The following SPAG16 variants were observed in gnomAD, a reference collection of about 807,000 sequenced individuals.
SPAG16 encodes the protein sperm associated antigen 16.
SPAG16 carries 86 observed loss-of-function variants against 80.4 expected under a neutral mutation model. That is an observed-to-expected ratio of 1.07 (90% CI 0.90 to 1.28). The LOEUF (loss-of-function observed/expected upper bound fraction) is 1.28. Ranked by LOEUF, SPAG16 falls within the 50% of genes most tolerant of loss-of-function variation. The pLI, the probability that SPAG16 is intolerant of heterozygous loss-of-function variation, is 0.00. For synonymous variants in SPAG16, 294 were observed against 265.9 expected, an observed-to-expected ratio of 1.11 and a Z score of -1.03; for missense variants, 870 against 765.3, an observed-to-expected ratio of 1.14 and a Z score of -1.61.
chr2:213,413,284 ATAAG>A (rs2069083925), intron 9 of SPAG16, among the ~76,000 whole-genome samples: 1 of 152,194 alleles, frequency 6.6e-6, no homozygotes, highest in South Asian at 2.1e-4. Flanking sequence ...AATAGTATCC[ATAAG>A]ATTAAGTATT....
intron 12 of SPAG16, among the ~76,000 whole-genome samples, chr2:213,968,789 C>A (rs1024433689): frequency 2.6e-5 from 4 of 152,152 alleles, no homozygotes; most frequent in Non-Finnish European, 5.9e-5. Flanking sequence ...ATATATATCA[C>A]CTTGATAAAA....
At chr2:213,748,649 C>T (rs16850849) in intron 10 of SPAG16, among the ~76,000 whole-genome samples, 3,678 of 152,118 alleles carry the variant, frequency 0.024, 149 homozygotes, top group African/African-American at 0.083. Flanking sequence ...AGCGTAAGGA[C>T]TATTATACAT....
At chr2:213,421,241 G>A (rs2069566322) in intron 9 of SPAG16, among the ~76,000 whole-genome samples, 1 of 151,952 alleles carries the variant, frequency 6.6e-6, no homozygotes, top group Non-Finnish European at 1.5e-5. Context: ...CCCACTTTGG[G>A]GCAGAGCAAA....
rs563642184 is a variant in SPAG16 at position 214,099,463 on chromosome 2, C to T, written c.1528-8733C>T. ...TGTTTATACGAATAAGAGATAGTAT[C>T]AATAATTTTCCAATAAGCTGAGTTT... On this transcript the variant is annotated intron_variant, in intron 13 of 15. Transcript: ENST00000331683. Among the ~76,000 whole-genome samples the T allele has an allele frequency of 2.6e-5, 4 of 152,076 alleles. No individual in the cohort carries two copies. The South Asian group carries it at 8.3e-4, about 32-fold the overall frequency.
rs570925506 is a variant in SPAG16, at chr2:214,395,705, G to A, written c.1721-14435G>A. Among the ~76,000 whole-genome samples the A allele has an allele frequency of 4.0e-5, 6 of 151,874 alleles. No individual in the cohort carries two copies. In the South Asian group the frequency reaches 1.2e-3, roughly 32 times the overall value. On this transcript the variant is annotated intron_variant, in intron 15 of 15. Coordinates refer to ENST00000331683, the MANE Select transcript of SPAG16 (RefSeq NM_024532.5). Reference sequence around the variant, plus strand: ...CACCCTCCACCCTCAAGTAGGCCCTGGTGTCTATTTTTTTTTCCTTTTTGT... The same window carrying A: ...CACCCTCCACCCTCAAGTAGGCCCTAGTGTCTATTTTTTTTTCCTTTTTGT...
rs550142994 is a variant in SPAG16 at position 213,937,649 on chromosome 2, A to G, written c.1400+7504A>G. On this transcript the variant is annotated intron_variant, in intron 12 of 15. Transcript: ENST00000331683. ...AACAGAATATAGCATGTATTTTTTT[A>G]TTTTCCTTTCCCCCCCAAAAGTGCA... Among the ~76,000 whole-genome samples the G allele has an allele frequency of 1.3e-4, 19 of 151,330 alleles. No homozygotes were observed. In the East Asian group the frequency reaches 3.3e-3, roughly 26 times the overall value.
At chr2:213,413,232 AT>A (rs540697562) in intron 9 of SPAG16, among the ~76,000 whole-genome samples, 189 of 152,304 alleles carry the variant, frequency 1.2e-3, no homozygotes, top group Non-Finnish European at 1.8e-3. Context: ...ATAGAAGTTC[AT>A]GTGTGTCATA....
intron 15 of SPAG16, among the ~76,000 whole-genome samples, chr2:214,356,725 A>G (rs1281511739): frequency 1.3e-5 from 2 of 151,960 alleles, no homozygotes; most frequent in African/African-American, 2.4e-5. Flanking sequence ...AATTTATCTC[A>G]CGCCACAGTT....
At chr2:213,638,725 T>C (rs963336509) in intron 10 of SPAG16, among the ~76,000 whole-genome samples, 9 of 152,318 alleles carry the variant, frequency 5.9e-5, no homozygotes, top group East Asian at 3.9e-4. Flanking sequence ...CTACAGTTGC[T>C]AGGTAGAATG....
chr2:213,973,285 C>T (rs1408578475), intron 12 of SPAG16, among the ~76,000 whole-genome samples: 1 of 152,002 alleles, frequency 6.6e-6, no homozygotes, highest in African/African-American at 2.4e-5. Flanking sequence ...TTTAGGCAGT[C>T]AGTTGTGTGT....
chr2:213,611,936 T>A (rs2061450638), intron 10 of SPAG16, among the ~76,000 whole-genome samples: 1 of 152,178 alleles, frequency 6.6e-6, no homozygotes, highest in African/African-American at 2.4e-5. Flanking sequence ...TTCTCCACAA[T>A]CAATATTTTT....
At chr2:213,467,470 G>A (rs1290566381) in intron 9 of SPAG16, among the ~76,000 whole-genome samples, 1 of 152,198 alleles carries the variant, frequency 6.6e-6, no homozygotes, top group Non-Finnish European at 1.5e-5. Flanking sequence ...GAGTAAGCAA[G>A]AGGTTTCCCC....
At chr2:213,737,471 C>A (rs1471066968) in intron 10 of SPAG16, among the ~76,000 whole-genome samples, 1 of 149,228 alleles carries the variant, frequency 6.7e-6, no homozygotes, top group Non-Finnish European at 1.5e-5. Context: ...CTTTTTTTCT[C>A]CTTACTTTTT....
chr2:213,557,403 T>C (rs2059458240), intron 10 of SPAG16, among the ~76,000 whole-genome samples: 1 of 152,052 alleles, frequency 6.6e-6, no homozygotes, highest in African/African-American at 2.4e-5. Context: ...TTTGGCTTAT[T>C]GACTACATTT....
intron 10 of SPAG16, among the ~76,000 whole-genome samples, chr2:213,831,523 T>C (rs900213769): frequency 6.6e-6 from 1 of 152,140 alleles, no homozygotes; most frequent in Non-Finnish European, 1.5e-5. Context: ...TTGTCGTTGT[T>C]GTGTTGGTAG....
intron 15 of SPAG16, among the ~76,000 whole-genome samples, chr2:214,337,984 T>C (rs1412130790): frequency 6.6e-6 from 1 of 152,182 alleles, no homozygotes. Flanking sequence ...GTGGTAGAGA[T>C]GATGAGATAT....
chr2:213,718,359 A>AC (rs1288837490), intron 10 of SPAG16, among the ~76,000 whole-genome samples: 11 of 151,548 alleles, frequency 7.3e-5, no homozygotes, highest in African/African-American at 1.5e-4. Flanking sequence ...TGCTCTCGGC[A>AC]CCCCCCCTGC....
intron 5 of SPAG16, among the ~76,000 whole-genome samples, chr2:213,323,984 T>C (rs1411139174): frequency 2.0e-5 from 3 of 152,046 alleles, no homozygotes; most frequent in African/African-American, 7.2e-5. Flanking sequence ...GAGAGGAAGA[T>C]AGGGCATTAC....
At chr2:213,591,385 T>G (rs994179244) in intron 10 of SPAG16, among the ~76,000 whole-genome samples, 3 of 152,216 alleles carry the variant, frequency 2.0e-5, no homozygotes, top group Non-Finnish European at 4.4e-5. Flanking sequence ...GTAAGAATTA[T>G]ATAATATTTT....
Sources: allele counts gnomAD v4.1 joint callset (sites outside exome capture counted in the v4.1 genomes callset), GRCh38; gene constraint gnomAD v4.1.1; transcripts MANE v1.5; gene names NCBI Gene and HGNC (gene_info 2026-07-23, HGNC 2026-07-21).